Variants in RTF1 observed in about 807,000 individuals in gnomAD.
RTF1 encodes RTF1 homolog, Paf1/RNA polymerase II complex component, also known as RNA polymerase-associated protein RTF1 homolog.
Under a neutral mutation model 95.7 loss-of-function variants are expected in RTF1, and 10 were observed. The observed-to-expected ratio is 0.10, with a 90% CI of 0.06 to 0.18. The LOEUF (loss-of-function observed/expected upper bound fraction) is 0.18. Ranked by LOEUF, RTF1 falls within the 10% of genes least tolerant of loss-of-function variation. The probability of loss-of-function intolerance (pLI) is 1.00; values close to 1 mark genes in which losing one functional copy is unlikely to be tolerated. For missense variants in RTF1, 458 were observed against 875.6 expected, an observed-to-expected ratio of 0.52 and a Z score of 6.02; for synonymous variants, 305 against 311.8, an observed-to-expected ratio of 0.98 and a Z score of 0.23.
chr15:41,420,317 C>A (rs1048169585), intron 1 of RTF1, among the ~76,000 whole-genome samples: 1 of 152,128 alleles, frequency 6.6e-6, no homozygotes, highest in Non-Finnish European at 1.5e-5. Context: ...TTGATGCCTT[C>A]AGTTTGTCTG....
At chr15:41,446,153 CT>C (rs2050760519) in intron 2 of RTF1, among the ~76,000 whole-genome samples, 1 of 152,022 alleles carries the variant, frequency 6.6e-6, no homozygotes. Context: ...GACTATAGAA[CT>C]TTTCTTATGA....
At chr15:41,440,972 T>TC (rs1185630970) in intron 2 of RTF1, among the ~76,000 whole-genome samples, 10 of 144,420 alleles carry the variant, frequency 6.9e-5, no homozygotes, top group African/African-American at 2.5e-4. Context: ...TCCCCTCTTT[T>TC]TTTTTTTTTT....
chr15:41,478,905 C>T, intron 15 of RTF1, 198 bp from the exon 16 acceptor site: 1 of 603,272 alleles, frequency 1.7e-6, no homozygotes, highest in Non-Finnish European at 2.9e-6. Flanking sequence ...TAGCTAGGGC[C>T]TGGCTGGGCT....
chr15:41,443,985 G>A (rs1279074794), intron 2 of RTF1, among the ~76,000 whole-genome samples: 2 of 151,440 alleles, frequency 1.3e-5, no homozygotes, highest in Admixed American at 6.6e-5. Context: ...GGAGAATGGC[G>A]TGAACCCGGG....
intron 2 of RTF1, among the ~76,000 whole-genome samples, chr15:41,444,991 G>C (rs1158363000): frequency 6.6e-6 from 1 of 152,004 alleles, no homozygotes; most frequent in Non-Finnish European, 1.5e-5. Context: ...GAGTGCAGTG[G>C]CACGATCTTG....
intron 12 of RTF1, among the ~76,000 whole-genome samples, chr15:41,476,761 T>G (rs570167021): frequency 9.0e-4 from 137 of 152,374 alleles, no homozygotes; most frequent in African/African-American, 3.2e-3. Flanking sequence ...CACTTCAGTT[T>G]CCTTTGTAAT....
In RTF1 at chr15:41,480,706, T is replaced by C; in HGVS notation, c.*19T>C. ...TATTTGAGCACACCCAGCCTGCTGCTTCTGACCCTGCATGCCCCATCGCAG... is the reference window on the plus strand; with the variant it reads ...TATTTGAGCACACCCAGCCTGCTGCCTCTGACCCTGCATGCCCCATCGCAG... On this transcript the variant is annotated 3_prime_UTR_variant, in exon 18 of 18. Transcript: ENST00000389629. The C allele has an allele frequency of 6.4e-7, 1 of 1,563,124 alleles. No individual in the cohort carries two copies. Among genetic ancestry groups the C allele is most frequent in the South Asian group, 1.1e-5 (1 of 90,040 alleles).
intron 3 of RTF1, among the ~76,000 whole-genome samples, chr15:41,457,083 CAATAAT>C (rs1301818556): frequency 6.6e-6 from 1 of 150,816 alleles, no homozygotes; most frequent in Non-Finnish European, 1.5e-5. Flanking sequence ...GACTCCGTCT[CAATAAT>C]AATAATAATA....
At chr15:41,466,038 C>G in intron 5 of RTF1, 103 bp from the exon 6 acceptor site, 1 of 685,092 alleles carries the variant, frequency 1.5e-6, no homozygotes, top group Non-Finnish European at 2.3e-6. Context: ...GTTTTTGCAG[C>G]CCATATAGAT....
At chr15:41,446,740 T>C (rs1048599934) in intron 2 of RTF1, among the ~76,000 whole-genome samples, 1 of 152,094 alleles carries the variant, frequency 6.6e-6, no homozygotes, top group Admixed American at 6.6e-5. Flanking sequence ...GGTTAGAGGC[T>C]TGGGCTCTAT....
At chr15:41,449,343 G>T (rs1434327011) in intron 2 of RTF1, among the ~76,000 whole-genome samples, 2 of 149,604 alleles carry the variant, frequency 1.3e-5, no homozygotes, top group Non-Finnish European at 3.0e-5. Context: ...CCACTGTCCT[G>T]CCTCAGCCTC....
intron 6 of RTF1, 23 bp downstream of exon 6, chr15:41,466,275 C>CCCTTTT (rs1174014293): frequency 7.0e-7 from 1 of 1,427,004 alleles, no homozygotes; most frequent in South Asian, 1.3e-5. Context: ...AATATAATGG[C>CCCTTTT]TACTTGTGTC....
chr15:41,475,702 T>C lies in RTF1; in HGVS notation c.1375-10T>C, dbSNP rs2050938890. Reference sequence around the variant, plus strand: ...CTTACTAATAATCTCGTATCGTGTTTTTGATCCAGATGTTCTCTGCTGGCA... The same window carrying C: ...CTTACTAATAATCTCGTATCGTGTTCTTGATCCAGATGTTCTCTGCTGGCA... On this transcript the variant is annotated splice_polypyrimidine_tract_variant and intron_variant, in intron 10 of 17. Coordinates refer to ENST00000389629, the MANE Select transcript of RTF1 (RefSeq NM_015138.5). 2 of 1,607,310 alleles carry C rather than the reference T, an allele frequency of 1.2e-6. No individual in the cohort carries two copies. Among genetic ancestry groups the C allele is most frequent in the Non-Finnish European group, 1.7e-6 (2 of 1,174,050 alleles).
chr15:41,417,448 C>A, intron 1 of RTF1, 135 bp downstream of exon 1: 1 of 723,192 alleles, frequency 1.4e-6, no homozygotes, highest in Non-Finnish European at 1.9e-6. Context: ...CCACTACAGC[C>A]CCTTTCCCGT....
chr15:41,452,779 G>T, intron 2 of RTF1, 122 bp from the exon 3 acceptor site: 1 of 702,582 alleles, frequency 1.4e-6, no homozygotes, highest in Non-Finnish European at 2.1e-6. Context: ...TTTTTCATAT[G>T]AAGTGTATTT....
rs1017553257 is a variant in RTF1 at position 41,450,501 on chromosome 15, C to T, written c.310-2400C>T. On this transcript the variant is annotated intron_variant, in intron 2 of 17. Coordinates refer to ENST00000389629, the MANE Select transcript of RTF1 (RefSeq NM_015138.5). ...TCGGGAGGCTGAGGCAGGACAATGG[C>T]GTGAACCGGGGAGGCGGAGCTTGCA... 4.0e-5 allele frequency among the ~76,000 whole-genome samples: 6 copies of T among 151,228 alleles called. No homozygotes were observed. The East Asian group carries it at 7.8e-4, about 20-fold the overall frequency.
intron 2 of RTF1, among the ~76,000 whole-genome samples, chr15:41,449,379 C>T (rs1033537844): frequency 1.3e-5 from 2 of 151,972 alleles, no homozygotes; most frequent in Admixed American, 6.6e-5. Flanking sequence ...TACAGGCGCC[C>T]GCCACCATGC....
At chr15:41,461,598 T>C (rs985819034) in intron 4 of RTF1, among the ~76,000 whole-genome samples, 3 of 151,888 alleles carry the variant, frequency 2.0e-5, no homozygotes, top group Admixed American at 6.6e-5. Context: ...GTTCATGCTA[T>C]TCTGCCTCAG....
chr15:41,456,190 C>CAA (rs34135319), intron 3 of RTF1, among the ~76,000 whole-genome samples: 15 of 112,962 alleles, frequency 1.3e-4, no homozygotes, highest in Middle Eastern at 5.7e-3. Flanking sequence ...AACTCCATCT[C>CAA]AAAAAAAAAA....
Sources: gnomAD v4.1 joint callset for allele counts (sites outside exome capture counted in the v4.1 genomes callset) on GRCh38, gnomAD v4.1.1 for gene constraint, MANE v1.5 for transcripts, NCBI Gene and HGNC (gene_info 2026-07-23, HGNC 2026-07-21) for gene names.